Variants in IQCK observed in about 807,000 individuals in gnomAD.
The protein encoded by IQCK is IQ motif containing K.
A neutral mutation model predicts 28.1 loss-of-function variants in IQCK; 29 were observed. The ratio of observed to expected loss-of-function variants is 1.03; its 90% confidence interval spans 0.77 to 1.41. IQCK has a LOEUF of 1.41. Among genes scored for constraint, IQCK ranks in the 40% most tolerant of loss-of-function variants. The pLI is 0.00. For synonymous variants in IQCK, 113 were observed against 115.1 expected (o/e 0.98, Z 0.12); for missense variants, 359 against 314.7 (o/e 1.14, Z -1.07).
exon 10 of IQCK, chr16:19,858,408 G>T (rs962712451): frequency 4.0e-6 from 2 of 497,696 alleles, no homozygotes; most frequent in Non-Finnish European, 7.3e-6. Context: ...ACTTTCCATG[G>T]CAGCCATTTG....
intron 2 of IQCK, among the ~76,000 whole-genome samples, chr16:19,733,338 C>T (rs1477445654): frequency 1.3e-5 from 2 of 152,016 alleles, no homozygotes; most frequent in Non-Finnish European, 2.9e-5. Flanking sequence ...GGGATTTCAC[C>T]ATGTTGGCCA....
At position 19,741,119 on chromosome 16, in the gene IQCK, C is replaced by T. The variant is rs538752040; in HGVS notation, c.474+5669C>T. Reference sequence around the variant, plus strand: ...CACTGAGGGGACAAGAAGACATGGTCCTGTCCTAGAGGAGCCATAATGATG... The same window carrying T: ...CACTGAGGGGACAAGAAGACATGGTTCTGTCCTAGAGGAGCCATAATGATG... On this transcript the variant is annotated intron_variant, in intron 4 of 7. Coordinates refer to ENST00000564186, the Ensembl canonical transcript of IQCK. Among the ~76,000 whole-genome samples the T allele has an allele frequency of 1.8e-4, 27 of 152,212 alleles. No homozygotes were observed. In the South Asian group the frequency reaches 5.4e-3, roughly 30 times the overall value.
In IQCK at chr16:19,731,626, G is replaced by A. The variant is rs533923351; in HGVS notation, c.246+1132G>A. Among the ~76,000 whole-genome samples, 12 of 152,202 alleles carry A rather than the reference G, an allele frequency of 7.9e-5. No individual in the cohort carries two copies. In the East Asian group the frequency reaches 1.7e-3, roughly 22 times the overall value. ...TCTTGTGCTATGATCTTCTTGACCC[G>A]TATAAAGAGATTTGATTGTTTATTA... On this transcript the variant is annotated intron_variant, in intron 2 of 7. Transcript: ENST00000564186.
In IQCK at chr16:19,821,816, G is replaced by A. The variant is rs530442384; in HGVS notation, c.691-5210G>A. ...GTGCTGGGCTCGGTGACTCACACCT[G>A]TAATCCCAGTACTTTGGGAGGCTGA... On this transcript the variant is annotated intron_variant, in intron 7 of 7. Transcript: ENST00000564186. 2.0e-5 allele frequency among the ~76,000 whole-genome samples: 3 copies of A among 152,270 alleles called. No individual in the cohort carries two copies. The East Asian group carries it at 5.8e-4, about 29-fold the overall frequency.
At chr16:19,754,766 C>A (rs2055030347) in intron 4 of IQCK, among the ~76,000 whole-genome samples, 1 of 152,060 alleles carries the variant, frequency 6.6e-6, no homozygotes, top group African/African-American at 2.4e-5. Context: ...GGAAGAAACT[C>A]TATTTCCTGG....
intron 1 of IQCK, among the ~76,000 whole-genome samples, chr16:19,724,061 T>C (rs147865609): frequency 3.3e-4 from 50 of 152,240 alleles, no homozygotes; most frequent in African/African-American, 1.2e-3. Context: ...AAACAAGCAC[T>C]TCGGTACCAC....
intron 7 of IQCK, among the ~76,000 whole-genome samples, chr16:19,824,069 G>A (rs13335536): frequency 0.031 from 4,717 of 152,198 alleles, 255 homozygotes; most frequent in African/African-American, 0.11. Flanking sequence ...GATGGTTTTG[G>A]GATGATACAA....
rs375953287 is a variant in IQCK at position 19,790,815 on chromosome 16, AAAAC to A, written c.690+1912_690+1915del. On this transcript the variant is annotated intron_variant, in intron 7 of 7. Transcript: ENST00000564186. ...AGGAGAAGTCTGTGCCCAAAGAGTT[AAAAC>A]AAACAAACAAACAAACAACAACAAC... 9.1e-4 allele frequency among the ~76,000 whole-genome samples: 60 copies of A among 66,158 alleles called. 5 individuals carry two copies. Among genetic ancestry groups the A allele is most frequent in the Admixed American group, 4.3e-3 (28 of 6,546 alleles). The allele number at this position is 66,158 out of a possible 152,430, so 43.4% of individuals were successfully genotyped here. A position where few individuals can be genotyped will look rare whatever the true frequency, so the allele number is the denominator to read the frequency against.
intron 7 of IQCK, chr16:19,819,727 A>G (rs1426221628): frequency 1.3e-5 from 2 of 152,004 alleles, no homozygotes; most frequent in African/African-American, 2.4e-5. Flanking sequence ...ACGTCCATAC[A>G]TTTTGGCCGG....
chr16:19,805,690 A>G (rs1442057620), intron 7 of IQCK, among the ~76,000 whole-genome samples: 2 of 152,194 alleles, frequency 1.3e-5, no homozygotes, highest in East Asian at 3.8e-4. Flanking sequence ...TAACCACACC[A>G]TGGGTTCTTC....
At chr16:19,750,266 A>G (rs908123391) in intron 4 of IQCK, among the ~76,000 whole-genome samples, 2 of 151,674 alleles carry the variant, frequency 1.3e-5, no homozygotes, top group African/African-American at 4.8e-5. Flanking sequence ...AGCTAGGACT[A>G]CAGGCGTGTG....
rs552562532 is a variant in IQCK, at chr16:19,749,563, C to A, written c.474+14113C>A. Among the ~76,000 whole-genome samples, 5 of 152,182 alleles carry A rather than the reference C, an allele frequency of 3.3e-5. No homozygotes were observed. In the South Asian group the frequency reaches 1.0e-3, roughly 32 times the overall value. On this transcript the variant is annotated intron_variant, in intron 4 of 7. Transcript: ENST00000564186. ...TCGCCTGAGCCCAGGAATTTAAGAC[C>A]AGCCTTGGGCAACATGGTGAAACCC...
chr16:19,768,342 C>T (rs994547559), intron 6 of IQCK, among the ~76,000 whole-genome samples: 5 of 152,052 alleles, frequency 3.3e-5, no homozygotes, highest in East Asian at 3.9e-4. Flanking sequence ...AGATAACTTT[C>T]GAGGGGGAGA....
At chr16:19,855,790 A>G (rs1202257690) in intron 9 of IQCK, among the ~76,000 whole-genome samples, 1 of 152,088 alleles carries the variant, frequency 6.6e-6, no homozygotes, top group Non-Finnish European at 1.5e-5. Flanking sequence ...GGCTCAAACC[A>G]CCTTTCAAGA....
intron 4 of IQCK, among the ~76,000 whole-genome samples, chr16:19,739,807 C>G (rs1464432760): frequency 6.6e-6 from 1 of 151,608 alleles, no homozygotes; most frequent in African/African-American, 2.4e-5. Flanking sequence ...AGAGTGAGAC[C>G]CTGTCTCAAA....
intron 7 of IQCK, among the ~76,000 whole-genome samples, chr16:19,814,220 CAAAAAA>C (rs71146272): frequency 4.1e-4 from 8 of 19,440 alleles, no homozygotes; most frequent in East Asian, 2.0e-3. Context: ...AACTCTATCT[CAAAAAA>C]AAAAAAAAAA....
intron 3 of IQCK, chr16:19,734,092 T>C (rs1325140612): frequency 3.1e-6 from 1 of 327,674 alleles, no homozygotes; most frequent in African/African-American, 2.2e-5. Flanking sequence ...TAAACACATG[T>C]AGCCGGCTGT....
rs1478146975 is a variant in IQCK, at chr16:19,816,113, C to T, written c.691-10913C>T. Among the ~76,000 whole-genome samples the T allele has an allele frequency of 2.0e-5, 3 of 152,138 alleles. No homozygotes were observed. The East Asian group carries it at 5.8e-4, about 29-fold the overall frequency. On this transcript the variant is annotated intron_variant, in intron 7 of 7. Coordinates refer to ENST00000564186, the Ensembl canonical transcript of IQCK. Reference sequence around the variant, plus strand: ...CTTCCTCCAGAGCAATTAGAAAAAGCCCTGGGAATCATCCTCAGTCATCCA... The same window carrying T: ...CTTCCTCCAGAGCAATTAGAAAAAGTCCTGGGAATCATCCTCAGTCATCCA...
intron 4 of IQCK, among the ~76,000 whole-genome samples, chr16:19,742,710 C>T (rs1469368331): frequency 6.6e-6 from 1 of 152,220 alleles, no homozygotes; most frequent in Non-Finnish European, 1.5e-5. Flanking sequence ...CTCAAAAATA[C>T]TTGCTGATCT....
Sources: allele counts gnomAD v4.1 joint callset (sites outside exome capture counted in the v4.1 genomes callset), GRCh38; gene constraint gnomAD v4.1.1; transcripts MANE v1.5; gene names NCBI Gene and HGNC (gene_info 2026-07-23, HGNC 2026-07-21).